The following TRPC5OS variants were observed in gnomAD, a reference collection of about 807,000 sequenced individuals.
TRPC5OS encodes the protein putative uncharacterized protein TRPC5OS.
For synonymous variants in TRPC5OS, 30 were observed against 29.3 expected (o/e 1.02, Z -0.08); for missense variants, 64 against 79.3 (o/e 0.81, Z 0.73).
chrX:111,882,730 G>C (rs1924284056), intron 1 of TRPC5OS, among the ~76,000 whole-genome samples: 2 of 112,719 alleles, frequency 1.8e-5, no homozygotes, highest in South Asian at 7.2e-4. Flanking sequence ...GGCCTACTCA[G>C]ATATCAGTTA....
intron 1 of TRPC5OS, among the ~76,000 whole-genome samples, chrX:111,887,033 T>C (rs897068121): frequency 2.7e-5 from 3 of 112,590 alleles, no homozygotes; most frequent in Non-Finnish European, 5.6e-5. Flanking sequence ...CAGTCTCCAC[T>C]CTTTGCATGT....
At chrX:111,890,961 A>T (rs1159435603) in intron 1 of TRPC5OS, among the ~76,000 whole-genome samples, 1 of 111,398 alleles carries the variant, frequency 9.0e-6, no homozygotes, top group East Asian at 2.8e-4. Context: ...ATAAGTAAGA[A>T]CGTGAGGTAT....
At position 111,876,894 on chromosome X, in the gene TRPC5OS, T is replaced by A. The variant is rs1485551792; in HGVS notation, c.-546+621T>A. 6.3e-5 allele frequency among the ~76,000 whole-genome samples: 7 copies of A among 111,863 alleles called. No homozygotes were observed. The East Asian group carries it at 2.0e-3, about 31-fold the overall frequency. On this transcript the variant is annotated intron_variant, in intron 1 of 3. Coordinates refer to ENST00000635763, the MANE Select transcript of TRPC5OS (RefSeq NM_001195578.2). ...CATATTAATACTCCGTGTATTTTAG[T>A]CATTCATAACAACATTTCTTAGGTG...
intron 1 of TRPC5OS, among the ~76,000 whole-genome samples, chrX:111,894,206 AAAG>A (rs1443868997): frequency 9.0e-6 from 1 of 111,612 alleles, no homozygotes; most frequent in Admixed American, 9.6e-5. Context: ...TACCTAATAC[AAAG>A]AAGCTTATCA....
intron 1 of TRPC5OS, among the ~76,000 whole-genome samples, chrX:111,886,577 C>T (rs1569527391): frequency 9.0e-6 from 1 of 111,638 alleles, no homozygotes; most frequent in African/African-American, 3.3e-5. Flanking sequence ...CTCGATTTGG[C>T]GTGATCTTGG....
At chrX:111,890,064 C>T (rs907456625) in intron 1 of TRPC5OS, among the ~76,000 whole-genome samples, 9 of 111,656 alleles carry the variant, frequency 8.1e-5, no homozygotes, top group African/African-American at 2.9e-4. Context: ...GTTCTGCATC[C>T]ATGGAGTCAA....
intron 1 of TRPC5OS, among the ~76,000 whole-genome samples, chrX:111,877,125 G>A (rs1450964444): frequency 3.6e-5 from 4 of 111,844 alleles, no homozygotes; most frequent in African/African-American, 1.3e-4. Flanking sequence ...GCTGGAGGCA[G>A]GTGGACTGAT....
chrX:111,900,544 C>A (rs1925289134), intron 3 of TRPC5OS, among the ~76,000 whole-genome samples: 1 of 111,438 alleles, frequency 9.0e-6, no homozygotes, highest in Admixed American at 9.6e-5. Flanking sequence ...AACAGAAAAG[C>A]AGAATAATCT....
At position 111,903,812 on chromosome X, in the gene TRPC5OS, ATTTG is replaced by A. The variant is rs758480365; in HGVS notation, c.*1632_*1635del. 32 of 111,975 alleles carry A rather than the reference ATTTG, an allele frequency of 2.9e-4. No homozygotes were observed. The highest frequency in any genetic ancestry group is 8.4e-4 in the African/African-American group (26 of 30,834). 9.2% of individuals were successfully genotyped at this position (111,975 alleles called of 1,213,427 possible). A position where few individuals can be genotyped will look rare whatever the true frequency, so the allele number is the denominator to read the frequency against. On this transcript the variant is annotated 3_prime_UTR_variant, in exon 4 of 4. Coordinates refer to ENST00000635763, the MANE Select transcript of TRPC5OS (RefSeq NM_001195578.2). ...TTAGGTAGTACAAGTTTTCATCCCT[ATTTG>A]TTTGGGTTAAAATATGTGGGGAGTT...
chrX:111,893,625 A>C (rs192589482), intron 1 of TRPC5OS, among the ~76,000 whole-genome samples: 20 of 112,278 alleles, frequency 1.8e-4, no homozygotes, highest in African/African-American at 6.1e-4. Flanking sequence ...TAAATTGACC[A>C]TAAGGACATT....
chrX:111,886,373 T>C (rs1475152398), intron 1 of TRPC5OS, among the ~76,000 whole-genome samples: 2 of 112,921 alleles, frequency 1.8e-5, no homozygotes, highest in Non-Finnish European at 3.7e-5. Flanking sequence ...TGTTGTATGT[T>C]TCTTCATGTT....
At chrX:111,897,401 C>T (rs757090659) in intron 3 of TRPC5OS, among the ~76,000 whole-genome samples, 1 of 110,925 alleles carries the variant, frequency 9.0e-6, no homozygotes, top group Non-Finnish European at 1.9e-5. Context: ...GTAAAATTTA[C>T]ATATAGTGAA....
rs183657693 is a variant in TRPC5OS at position 111,900,122 on chromosome X, T to A, written c.-310-1418T>A. Among the ~76,000 whole-genome samples the A allele has an allele frequency of 5.4e-4, 60 of 111,982 alleles. 1 individual carries two copies. The highest frequency in any genetic ancestry group is 5.0e-3 in the Admixed American group (53 of 10,554). On this transcript the variant is annotated intron_variant, in intron 3 of 3. Transcript: ENST00000635763. ...AGCTGTATGTGCAAATCACAGACCA[T>A]CTGGCTGATGATTTTCTGTACTCCA...
rs976263899 is a variant in TRPC5OS, at chrX:111,902,941, G to A, written c.*756G>A. On this transcript the variant is annotated 3_prime_UTR_variant, in exon 4 of 4. Transcript: ENST00000635763. ...AATCAAAGAGAGAAGTAATAGAAGGGCTAAGCAAAGCCCTACAAGGACTAT... is the reference window on the plus strand; with the variant it reads ...AATCAAAGAGAGAAGTAATAGAAGGACTAAGCAAAGCCCTACAAGGACTAT... The A allele has an allele frequency of 5.4e-5, 6 of 111,651 alleles. No homozygotes were observed. The highest frequency in any genetic ancestry group is 2.0e-4 in the African/African-American group (6 of 30,764). The allele number at this position is 111,651 out of a possible 1,213,427, so 9.2% of individuals were successfully genotyped here.
chrX:111,881,531 A>C (rs1041697894), intron 1 of TRPC5OS, among the ~76,000 whole-genome samples: 11 of 111,539 alleles, frequency 9.9e-5, no homozygotes, highest in Non-Finnish European at 1.9e-4. Context: ...TCCTAGAAGA[A>C]GTTGCACAGA....
intron 1 of TRPC5OS, among the ~76,000 whole-genome samples, chrX:111,878,197 C>A (rs1924047419): frequency 9.2e-6 from 1 of 109,080 alleles, no homozygotes; most frequent in East Asian, 2.9e-4. Context: ...AAGCATATAT[C>A]AAAATATCAC....
At position 111,902,672 on chromosome X, in the gene TRPC5OS, A is replaced by T. The variant is rs1569527787; in HGVS notation, c.*487A>T. The T allele has an allele frequency of 8.9e-6, 1 of 112,598 alleles. No individual in the cohort carries two copies. Among genetic ancestry groups the T allele is most frequent in the Non-Finnish European group, 1.9e-5 (1 of 53,388 alleles). 9.3% of individuals were successfully genotyped at this position (112,598 alleles called of 1,213,427 possible). On this transcript the variant is annotated 3_prime_UTR_variant, in exon 4 of 4. Coordinates refer to ENST00000635763, the MANE Select transcript of TRPC5OS (RefSeq NM_001195578.2). ...TTTGAAAGGATATAACTCCTTACTT[A>T]TCCTTTAAGAAAGCATGTGTCCGAC...
chrX:111,894,785 G>A (rs1376518731), intron 1 of TRPC5OS, among the ~76,000 whole-genome samples: 1 of 111,420 alleles, frequency 9.0e-6, no homozygotes, highest in Non-Finnish European at 1.9e-5. Context: ...TTTTAAGGGT[G>A]CATATCAATG....
chrX:111,883,521 A>G (rs561273475), intron 1 of TRPC5OS, among the ~76,000 whole-genome samples: 103 of 112,923 alleles, frequency 9.1e-4, no homozygotes, highest in Middle Eastern at 4.6e-3. Flanking sequence ...ACCTAGCTAG[A>G]GCCTAAGCCT....
Sources: allele counts gnomAD v4.1 joint callset (sites outside exome capture counted in the v4.1 genomes callset), GRCh38; gene constraint gnomAD v4.1.1; transcripts MANE v1.5; gene names NCBI Gene and HGNC (gene_info 2026-07-23, HGNC 2026-07-21).